The following PLXNB2 variants were observed in gnomAD, a reference collection of about 807,000 sequenced individuals.
PLXNB2 encodes the protein plexin-B2.
A neutral mutation model predicts 202.6 loss-of-function variants in PLXNB2; 85 were observed. The ratio of observed to expected loss-of-function variants is 0.42; its 90% CI spans 0.35 to 0.50. The LOEUF is 0.50. PLXNB2 is among the 20% of genes least tolerant of loss of function. The pLI is 0.02. For missense variants in PLXNB2, 2,063 were observed against 2,586.2 expected (o/e 0.80, Z 4.39); for synonymous variants, 1,239 against 1,137.6 (o/e 1.09, Z -1.79).
chr22:50,290,703 G>A (rs2066807751), intron 2 of PLXNB2, 106 bp from the exon 3 acceptor site: 3 of 1,211,684 alleles, frequency 2.5e-6, no homozygotes, highest in East Asian at 2.6e-5. Flanking sequence ...AGAGGGTCAC[G>A]CCACTCCACG....
Position 50,288,977 on chromosome 22 carries a change from C to T in PLXNB2, c.1234G>A (p.Asp412Asn), listed in dbSNP as rs778786971. ...NHTVAFLGTS[D>N]GRILKVYLTP... ...GGCCAAACCTTGAGGATCCGGCCAT[C>T]AGAGGTGCCCAGAAAAGCAACAGTG... Residue 412 changes from aspartate (D) to asparagine (N), a missense_variant, in exon 4 of 37, where the codon GAT (aspartate) becomes AAT (asparagine). By Grantham distance (23) the Asp-to-Asn change is conservative. Around this residue, in one of 2 missense-constraint regions of PLXNB2, gnomAD observed 1,303 missense variants for 1,476.8 expected, o/e 0.88. Transcript: ENST00000359337. This position sits in a 1 kb window ranked among gnomAD's most constrained non-coding sequence, Gnocchi z 5.0. 2 of 1,609,134 alleles carry T rather than the reference C, an allele frequency of 1.2e-6. No homozygotes were observed. The highest frequency in any genetic ancestry group is 1.7e-6 in the Non-Finnish European group (2 of 1,177,024).
At position 50,280,730 on chromosome 22, in the gene PLXNB2, G is replaced by A. The variant is rs747008639; in HGVS notation, c.3993+14C>T. ...CACCTGTGTGCCCTCCCGCCCGCCC[G>A]ACGCCTGGCTCACATTGATGAGGAA... is the stretch of plus-strand genomic sequence containing the variant. On this transcript the variant is annotated intron_variant, in intron 24 of 36. Transcript: ENST00000359337. The A allele has an allele frequency of 1.4e-4, 108 of 774,066 alleles. No individual in the cohort carries two copies. The highest frequency in any genetic ancestry group is 1.6e-4 in the Non-Finnish European group (75 of 474,662). The allele number at this position is 774,066 out of a possible 1,614,324, so 47.9% of individuals were successfully genotyped here. A position where few individuals can be genotyped will look rare whatever the true frequency, so the allele number is the denominator to read the frequency against.
chr22:50,288,612 A>C lies in PLXNB2; in HGVS notation c.1380+131T>G. The stretch of plus-strand genomic sequence containing the variant: ...GGACCCACCCAGCCACCCCTCATCC[A>C]GACCAAGGAGAAGGGCCCAGCTCTG... On this transcript the variant is annotated intron_variant, in intron 5 of 36. Transcript: ENST00000359337. The surrounding 1 kb of genome is among the most constrained non-coding windows in gnomAD (Gnocchi z 5.0). 7.6e-7 allele frequency: 1 copy of C among 1,308,648 alleles called. No homozygotes were observed. Among genetic ancestry groups the C allele is most frequent in the Non-Finnish European group, 1.0e-6 (1 of 965,428 alleles). 81.1% of individuals were successfully genotyped at this position (1,308,648 alleles called of 1,614,324 possible). A position where few individuals can be genotyped will look rare whatever the true frequency, so the allele number is the denominator to read the frequency against.
intron 28 of PLXNB2, 47 bp from the exon 29 acceptor site, chr22:50,278,743 TC>T (rs2065785223): frequency 6.3e-7 from 1 of 1,586,860 alleles, no homozygotes; most frequent in South Asian, 1.1e-5. Flanking sequence ...CCCAGGTTCC[TC>T]CCACTGCCCA....
At chr22:50,304,500 A>G (rs1895075607) in intron 1 of PLXNB2, among the ~76,000 whole-genome samples, 1 of 152,108 alleles carries the variant, frequency 6.6e-6, no homozygotes, top group African/African-American at 2.4e-5. Flanking sequence ...GTAGGCAGAG[A>G]AAGGCAGGGG....
chr22:50,295,985 C>T (rs965913614), intron 1 of PLXNB2, among the ~76,000 whole-genome samples: 7 of 152,012 alleles, frequency 4.6e-5, no homozygotes, highest in African/African-American at 1.5e-4. Flanking sequence ...GCCTGTAATC[C>T]CAACTACTCA....
chr22:50,284,495 A>T lies in PLXNB2; in HGVS notation c.2181+78T>A. On this transcript the variant is annotated intron_variant, in intron 12 of 36. Coordinates refer to ENST00000359337, the MANE Select transcript of PLXNB2 (RefSeq NM_012401.4). This position sits in a 1 kb window ranked among gnomAD's most constrained non-coding sequence, Gnocchi z 8.0. ...GGGTCTCCCTGCTGCCCCTCCCCTC[A>T]CAGTCCTGAAGGTGACCCCCCACCC... The T allele has an allele frequency of 9.3e-7, 1 of 1,077,106 alleles. No individual in the cohort carries two copies. The highest frequency in any genetic ancestry group is 1.4e-6 in the Non-Finnish European group (1 of 723,466). The allele number at this position is 1,077,106 out of a possible 1,614,324, so 66.7% of individuals were successfully genotyped here.
chr22:50,306,872 G>C (rs887447366), intron 1 of PLXNB2, among the ~76,000 whole-genome samples: 5 of 152,254 alleles, frequency 3.3e-5, no homozygotes, highest in African/African-American at 1.2e-4. Flanking sequence ...AGATGACAGG[G>C]GGAGGCGGGC....
rs113489660 is a variant in PLXNB2, at chr22:50,274,993, C to CG, written c.*710dup. 0.06 allele frequency: 9,430 copies of CG among 156,924 alleles called. 1,190 individuals are homozygous for CG. The highest frequency in any genetic ancestry group is 0.23 in the African/African-American group (8,952 of 38,186). 9.7% of individuals were successfully genotyped at this position (156,924 alleles called of 1,614,324 possible). On this transcript the variant is annotated 3_prime_UTR_variant, in exon 37 of 37. Coordinates refer to ENST00000359337, the MANE Select transcript of PLXNB2 (RefSeq NM_012401.4). The stretch of plus-strand genomic sequence containing the variant: ...CAGCCAACCCGCAGAGTGAAAAAGA[C>CG]GCTGTATTTGATTTACAATGAACAA...
chr22:50,276,070 G>A (rs1284468852), intron 35 of PLXNB2, 107 bp from the exon 36 acceptor site: 10 of 1,033,126 alleles, frequency 9.7e-6, no homozygotes, highest in Admixed American at 3.8e-5. Flanking sequence ...GGAAGCAGCT[G>A]GGGCCTTGGG....
chr22:50,289,203 C>T lies in PLXNB2; in HGVS notation c.1069-61G>A, dbSNP rs181871247. The T allele has an allele frequency of 3.8e-4, 536 of 1,410,238 alleles. 1 individual carries two copies. The highest frequency in any genetic ancestry group is 3.3e-3 in the Middle Eastern group (18 of 5,504). 87.4% of individuals were successfully genotyped at this position (1,410,238 alleles called of 1,614,324 possible). Reference sequence around the variant, plus strand: ...CCTGTCCTGAAGGGCCCTCTCCACTCGCGCTCCAAGACTCGGGACAGGCCC... The same window carrying T: ...CCTGTCCTGAAGGGCCCTCTCCACTTGCGCTCCAAGACTCGGGACAGGCCC... On this transcript the variant is annotated intron_variant, in intron 3 of 36. Coordinates refer to ENST00000359337, the MANE Select transcript of PLXNB2 (RefSeq NM_012401.4). This position sits in a 1 kb window ranked among gnomAD's most constrained non-coding sequence, Gnocchi z 8.0.
Position 50,281,684 on chromosome 22 carries a change from T to C in PLXNB2, c.3404A>G (p.Glu1135Gly). Residue 1135 changes from glutamate to glycine, a missense_variant, in exon 21 of 37, where the codon GAG becomes GGG. Physicochemically the swap from Glu to Gly is moderately conservative, Grantham distance 98. This residue lies in a region of PLXNB2 where 760 missense variants were observed against 1,109.4 expected (regional missense o/e 0.69). Coordinates refer to ENST00000359337, the MANE Select transcript of PLXNB2 (RefSeq NM_012401.4). ...CGTCAGCGTCTTCATGGTGCAGCGC[T>C]CGGCACCCACGAAGGCCTCGGCCTC... Reference protein sequence around the residue: ...LQEAEAFVGAERCTMKTLTET... With the variant: ...LQEAEAFVGAGRCTMKTLTET... 1 of 1,573,772 alleles carries C rather than the reference T, an allele frequency of 6.4e-7. No homozygotes were observed. The highest frequency in any genetic ancestry group is 8.6e-7 in the Non-Finnish European group (1 of 1,157,286).
chr22:50,287,032 C>T (rs1333868045), intron 8 of PLXNB2, 79 bp downstream of exon 8: 21 of 1,353,388 alleles, frequency 1.6e-5, no homozygotes, highest in Non-Finnish European at 5.8e-6. Context: ...ACCCAGGGGC[C>T]AGCAGAGGCG....
chr22:50,276,369 GGGGGCGC>G (rs2065582212), intron 35 of PLXNB2, among the ~76,000 whole-genome samples: 2 of 41,534 alleles, frequency 4.8e-5, no homozygotes, highest in African/African-American at 1.5e-4. Flanking sequence ...GCCGCAGGGA[GGGGGCGC>G]TGTGGGCACG....
intron 1 of PLXNB2, 85 bp from the exon 2 acceptor site, chr22:50,294,863 T>C: frequency 2.9e-6 from 2 of 684,346 alleles, no homozygotes; most frequent in Non-Finnish European, 3.6e-6. Flanking sequence ...CTGGTGGGGC[T>C]TGGGGGAAGA....
At position 50,284,219 on chromosome 22, in the gene PLXNB2, G is replaced by A. The variant is rs2066248685; in HGVS notation, c.2182-6C>T. 6.2e-7 allele frequency: 1 copy of A among 1,612,372 alleles called. No individual in the cohort carries two copies. The highest frequency in any genetic ancestry group is 1.1e-5 in the South Asian group (1 of 91,078). ...TCGTTGGCATCGTGGGACAGCTGGG[G>A]GACACGCAGGGGCACACTGCACTTC... is the stretch of plus-strand genomic sequence containing the variant. On this transcript the variant is annotated splice_polypyrimidine_tract_variant and splice_region_variant and intron_variant, in intron 12 of 36. Coordinates refer to ENST00000359337, the MANE Select transcript of PLXNB2 (RefSeq NM_012401.4). This position sits in a 1 kb window ranked among gnomAD's most constrained non-coding sequence, Gnocchi z 8.0.
chr22:50,307,345 C>T (rs2067925497), intron 1 of PLXNB2, among the ~76,000 whole-genome samples: 1 of 151,660 alleles, frequency 6.6e-6, no homozygotes, highest in African/African-American at 2.4e-5. Context: ...CGAGTCAACA[C>T]CGGGAAGGGA....
Position 50,278,224 on chromosome 22 carries a change from G to A in PLXNB2, c.4780C>T (p.Pro1594Ser). ...EENRVWHLVR[P>S]TDEVDEGKSK... is the part of the protein sequence containing the mutation. ...TTGCCCTCGTCCACCTCGTCGGTCGGCCGCACCAGGTGCCACACCCGGTTC... is the reference window on the plus strand; with the variant it reads ...TTGCCCTCGTCCACCTCGTCGGTCGACCGCACCAGGTGCCACACCCGGTTC... Residue 1594 changes from proline to serine, a missense_variant, in exon 31 of 37, where the codon CCG (proline) becomes TCG (serine). Pro to Ser is a moderately conservative substitution (Grantham distance 74, BLOSUM62 -1). Around this residue, in one of 2 missense-constraint regions of PLXNB2, gnomAD observed 760 missense variants for 1,109.4 expected, o/e 0.69. Transcript: ENST00000359337. 1 of 1,610,066 alleles carries A rather than the reference G, an allele frequency of 6.2e-7. No individual in the cohort carries two copies.
Position 50,278,895 on chromosome 22 carries a change from C to T in PLXNB2, c.4506G>A (p.Gln1502=), listed in dbSNP as rs776613099. 1 of 1,613,416 alleles carries T rather than the reference C, an allele frequency of 6.2e-7. No homozygotes were observed. Among genetic ancestry groups the T allele is most frequent in the Non-Finnish European group, 8.5e-7 (1 of 1,179,782 alleles). The part of the protein sequence containing the change: ...EKIIDQVYRG[Q]PCSCWPRPDS... ...CTGGCCTGGGCCAGCAGGAGCAGGG[C>T]TGCCCACGGTACACCTGGTCAATGA... is the stretch of plus-strand genomic sequence containing the variant. The change falls in exon 28 of 37, where the codon CAG becomes CAA. Residue 1502 remains glutamine (Q), a synonymous_variant. Transcript: ENST00000359337.
Sources: gnomAD v4.1 joint callset for allele counts (sites outside exome capture counted in the v4.1 genomes callset) on GRCh38, gnomAD v4.1.1 for gene constraint, gnomAD v4.1.1 regional missense constraint, Gnocchi (gnomAD v3.1) non-coding constraint, MANE v1.5 for transcripts, NCBI Gene and HGNC (gene_info 2026-07-23, HGNC 2026-07-21) for gene names.